The following KIAA0825 variants were observed in gnomAD, a reference collection of about 807,000 sequenced individuals.
The protein encoded by KIAA0825 is uncharacterized protein KIAA0825.
A neutral mutation model predicts 147.6 loss-of-function variants in KIAA0825; 119 were observed. The observed-to-expected ratio is 0.81, with a 90% CI of 0.69 to 0.94. KIAA0825 has a LOEUF of 0.94. KIAA0825 is among the 40% of genes least tolerant of loss of function. The pLI, the probability that KIAA0825 is intolerant of heterozygous loss-of-function variation, is 0.00. For synonymous variants in KIAA0825, 470 were observed against 518.1 expected (o/e 0.91, Z 1.26); for missense variants, 1,381 against 1,472.7 (o/e 0.94, Z 1.02).
At chr5:94,300,721 A>G (rs1778359400) in intron 20 of KIAA0825, among the ~76,000 whole-genome samples, 1 of 152,182 alleles carries the variant, frequency 6.6e-6, no homozygotes, top group Non-Finnish European at 1.5e-5. Flanking sequence ...ATGTATTTCA[A>G]AAAAAACTTT....
At chr5:94,482,592 T>C (rs1308386516) in intron 6 of KIAA0825, among the ~76,000 whole-genome samples, 2 of 152,066 alleles carry the variant, frequency 1.3e-5, no homozygotes, top group Non-Finnish European at 2.9e-5. Context: ...AAGGAGTCTT[T>C]TCCTTCCTGA....
intron 20 of KIAA0825, among the ~76,000 whole-genome samples, chr5:94,276,930 TA>T (rs1562345984): frequency 6.6e-6 from 1 of 152,090 alleles, no homozygotes; most frequent in African/African-American, 2.4e-5. Flanking sequence ...TCCGCCTCTT[TA>T]CTCACTCTGT....
At chr5:94,482,715 T>G (rs139761487) in intron 6 of KIAA0825, among the ~76,000 whole-genome samples, 1 of 152,174 alleles carries the variant, frequency 6.6e-6, no homozygotes, top group East Asian at 1.9e-4. Context: ...GGAATCTATT[T>G]ACATAAAGCT....
At chr5:94,588,584 T>C (rs1783762008) in intron 1 of KIAA0825, among the ~76,000 whole-genome samples, 3 of 152,174 alleles carry the variant, frequency 2.0e-5, no homozygotes, top group African/African-American at 7.2e-5. Flanking sequence ...TTTTACACTA[T>C]TGATGGGAGT....
chr5:94,172,927 A>T (rs1768767226), intron 20 of KIAA0825, among the ~76,000 whole-genome samples: 1 of 152,154 alleles, frequency 6.6e-6, no homozygotes, highest in African/African-American at 2.4e-5. Flanking sequence ...ATTTAGGAAA[A>T]GATTTGGCAG....
At chr5:94,223,720 G>A (rs1773869753) in intron 20 of KIAA0825, among the ~76,000 whole-genome samples, 1 of 152,124 alleles carries the variant, frequency 6.6e-6, no homozygotes, top group East Asian at 1.9e-4. Context: ...TCTCTTTTAG[G>A]AAGCATTAAA....
chr5:94,356,956 C>G (rs1784352501), intron 20 of KIAA0825, among the ~76,000 whole-genome samples: 1 of 151,926 alleles, frequency 6.6e-6, no homozygotes, highest in African/African-American at 2.4e-5. Context: ...ATCTCCTGAC[C>G]TCGTGATCCA....
intron 12 of KIAA0825, among the ~76,000 whole-genome samples, chr5:94,457,800 C>G (rs1759306126): frequency 6.6e-6 from 1 of 152,144 alleles, no homozygotes; most frequent in Non-Finnish European, 1.5e-5. Flanking sequence ...TTTCGGCTGC[C>G]CTCCCCAGGA....
At chr5:94,497,519 T>C (rs1200181548) in intron 5 of KIAA0825, among the ~76,000 whole-genome samples, 4 of 152,074 alleles carry the variant, frequency 2.6e-5, no homozygotes, top group South Asian at 4.1e-4. Context: ...AAAAGTTAAA[T>C]AAATTGCTCA....
In KIAA0825 at chr5:94,532,920, T is replaced by A. The variant is rs532298611; in HGVS notation, c.131+4076A>T. 3.3e-5 allele frequency among the ~76,000 whole-genome samples: 5 copies of A among 151,676 alleles called. No homozygotes were observed. The East Asian group carries it at 5.8e-4, about 18-fold the overall frequency. On this transcript the variant is annotated intron_variant, in intron 3 of 20. Coordinates refer to ENST00000682413, the MANE Select transcript of KIAA0825 (RefSeq NM_001145678.3). Reference sequence around the variant, plus strand: ...GTTGTCTATAATTAGAAAATGAAAATTTTTAAGATACAATTATATTTATCC... The same window carrying A: ...GTTGTCTATAATTAGAAAATGAAAAATTTTAAGATACAATTATATTTATCC...
chr5:94,462,236 G>A, intron 12 of KIAA0825, 151 bp downstream of exon 12: 1 of 476,816 alleles, frequency 2.1e-6, no homozygotes, highest in South Asian at 4.2e-5. Flanking sequence ...GTTGGTGTTA[G>A]TTTTATAAAA....
intron 5 of KIAA0825, among the ~76,000 whole-genome samples, chr5:94,489,257 G>A (rs548561260): frequency 1.1e-4 from 16 of 152,198 alleles, no homozygotes; most frequent in Non-Finnish European, 2.9e-5. Flanking sequence ...AGAACCACCC[G>A]AAGTCCATCT....
intron 20 of KIAA0825, among the ~76,000 whole-genome samples, chr5:94,177,004 C>T (rs1769165211): frequency 6.6e-6 from 1 of 151,952 alleles, no homozygotes; most frequent in Non-Finnish European, 1.5e-5. Context: ...ACACAGTATC[C>T]CCACCCCGAG....
intron 20 of KIAA0825, among the ~76,000 whole-genome samples, chr5:94,166,952 G>A (rs1177844484): frequency 1.3e-5 from 2 of 152,084 alleles, no homozygotes; most frequent in African/African-American, 4.8e-5. Flanking sequence ...AAACTATCCT[G>A]TATTTGAGAA....
intron 5 of KIAA0825, among the ~76,000 whole-genome samples, chr5:94,517,556 A>G (rs1767456984): frequency 6.6e-6 from 1 of 152,042 alleles, no homozygotes; most frequent in Non-Finnish European, 1.5e-5. Context: ...TCATTAAGGT[A>G]TAAGCATGGA....
At chr5:94,488,260 A>G (rs1424517347) in intron 5 of KIAA0825, among the ~76,000 whole-genome samples, 1 of 152,142 alleles carries the variant, frequency 6.6e-6, no homozygotes. Flanking sequence ...CCTGGCCTTT[A>G]TTTATTTATT....
chr5:94,239,231 C>T (rs1054395538), intron 20 of KIAA0825, among the ~76,000 whole-genome samples: 3 of 152,110 alleles, frequency 2.0e-5, no homozygotes, highest in South Asian at 4.2e-4. Context: ...ATAGTAACCC[C>T]GCTTCATCGG....
chr5:94,157,426 G>T (rs964401332), intron 20 of KIAA0825, among the ~76,000 whole-genome samples: 1 of 152,080 alleles, frequency 6.6e-6, no homozygotes, highest in Admixed American at 6.6e-5. Flanking sequence ...TTAGATATGG[G>T]TCCCTTTTCC....
intron 20 of KIAA0825, among the ~76,000 whole-genome samples, chr5:94,192,392 A>C (rs1280582363): frequency 6.6e-6 from 1 of 152,252 alleles, no homozygotes; most frequent in Admixed American, 6.5e-5. Context: ...GTACATAAAA[A>C]GTTCAGACAT....
Sources: allele counts gnomAD v4.1 joint callset (sites outside exome capture counted in the v4.1 genomes callset), GRCh38; gene constraint gnomAD v4.1.1; transcripts MANE v1.5; gene names NCBI Gene and HGNC (gene_info 2026-07-23, HGNC 2026-07-21).